ZNF730: variants seen among roughly 807,000 people sequenced by gnomAD.
The protein encoded by ZNF730 is zinc finger protein 730, also known as putative zinc finger protein 730.
A neutral mutation model predicts 12.6 loss-of-function variants in ZNF730; 12 were observed. That is an observed-to-expected ratio of 0.95 (90% CI 0.61 to 1.54). ZNF730 has a LOEUF of 1.54. Ranked by LOEUF, ZNF730 falls within the 40% of genes most tolerant of loss-of-function variation. ZNF730 has a pLI of 0.00. For missense variants in ZNF730, 643 were observed against 583.5 expected (o/e 1.10, Z -1.05); for synonymous variants, 194 against 195.8 (o/e 0.99, Z 0.08).
chr19:23,140,607 T>TA (rs35291458), intron 3 of ZNF730, among the ~76,000 whole-genome samples: 55,864 of 128,782 alleles, frequency 0.43, 13,785 homozygotes, highest in Non-Finnish European at 0.56. Context: ...GACTCGGTCT[T>TA]AAAAAAAAAA....
chr19:23,078,635 C>A (rs1164128759), intron 1 of ZNF730, among the ~76,000 whole-genome samples: 1 of 152,136 alleles, frequency 6.6e-6, no homozygotes, highest in African/African-American at 2.4e-5. Context: ...GGGTCCTCCA[C>A]ATGCTGAGCG....
chr19:23,120,579 G>A (rs1379124530), intron 1 of ZNF730, among the ~76,000 whole-genome samples: 1 of 151,756 alleles, frequency 6.6e-6, no homozygotes, highest in Non-Finnish European at 1.5e-5. Flanking sequence ...AATCTTATTA[G>A]TGGTTTATTA....
At chr19:23,144,350 T>C (rs1970971797) in intron 3 of ZNF730, 1 of 152,160 alleles carries the variant, frequency 6.6e-6, no homozygotes. Flanking sequence ...GTTCTTAAAA[T>C]GTGTCTTGTC....
At chr19:23,142,508 C>T (rs1337664145) in intron 3 of ZNF730, among the ~76,000 whole-genome samples, 1 of 151,732 alleles carries the variant, frequency 6.6e-6, no homozygotes, top group Non-Finnish European at 1.5e-5. Context: ...ACGGAGAAAT[C>T]CCATCTCTAC....
chr19:23,081,860 T>A (rs969952857), intron 1 of ZNF730, among the ~76,000 whole-genome samples: 3 of 152,146 alleles, frequency 2.0e-5, no homozygotes, highest in African/African-American at 7.2e-5. Context: ...GCAGACTATC[T>A]TTCCACCTCA....
At chr19:23,114,305 CTTTTTTT>C (rs869304180), upstream of ZNF730, among the ~76,000 whole-genome samples, 2 of 103,508 alleles carry the variant, frequency 1.9e-5, no homozygotes, top group African/African-American at 7.1e-5. Flanking sequence ...TTTTTCTTTT[CTTTTTTT>C]TTTTTTTTTT....
intron 1 of ZNF730, among the ~76,000 whole-genome samples, chr19:23,088,168 C>T (rs1478044795): frequency 6.6e-6 from 1 of 151,212 alleles, no homozygotes; most frequent in Non-Finnish European, 1.5e-5. Flanking sequence ...TACAGGTGCC[C>T]ACCACCACGC....
intron 1 of ZNF730, among the ~76,000 whole-genome samples, chr19:23,080,835 C>G (rs1599562906): frequency 6.9e-6 from 1 of 144,308 alleles, no homozygotes; most frequent in East Asian, 2.0e-4. Flanking sequence ...TGTTTTGTTT[C>G]TTTTTTCTTT....
At chr19:23,116,701 G>A (rs1161170409), upstream of ZNF730, among the ~76,000 whole-genome samples, 1 of 151,806 alleles carries the variant, frequency 6.6e-6, no homozygotes, top group East Asian at 1.9e-4. Context: ...GATTACAGGC[G>A]TGAGCCACCG....
intron 1 of ZNF730, among the ~76,000 whole-genome samples, chr19:23,091,413 G>A (rs2145487954): frequency 6.6e-6 from 1 of 152,272 alleles, no homozygotes; most frequent in East Asian, 1.9e-4. Flanking sequence ...TGAGAAGAAG[G>A]CCACCATCCG....
intron 3 of ZNF730, among the ~76,000 whole-genome samples, chr19:23,141,367 C>T (rs555009229): frequency 1.3e-5 from 2 of 150,846 alleles, no homozygotes; most frequent in Admixed American, 6.6e-5. Flanking sequence ...TGCACTCCAA[C>T]GTGGGTGACA....
chr19:23,086,292 C>A (rs1388398000), intron 1 of ZNF730, among the ~76,000 whole-genome samples: 3 of 152,154 alleles, frequency 2.0e-5, no homozygotes, highest in African/African-American at 7.2e-5. Context: ...TTTTGCTTTG[C>A]AGAAGCTCTT....
At chr19:23,123,589 A>G (rs1473561157) in intron 1 of ZNF730, 2 of 152,008 alleles carry the variant, frequency 1.3e-5, no homozygotes, top group African/African-American at 4.8e-5. Flanking sequence ...AAAAAAAAAA[A>G]AAAAGAAACC....
At chr19:23,144,086 G>T (rs920625360) in intron 3 of ZNF730, 5 of 151,392 alleles carry the variant, frequency 3.3e-5, no homozygotes, top group African/African-American at 1.2e-4. Flanking sequence ...CTGTGTTCCT[G>T]TTTCACTCAT....
chr19:23,101,211 A>G (rs1017017215), intron 1 of ZNF730, among the ~76,000 whole-genome samples: 15 of 151,410 alleles, frequency 9.9e-5, no homozygotes, highest in African/African-American at 3.6e-4. Context: ...AACAGTAAAG[A>G]TTGTCATTCT....
intron 2 of ZNF730, among the ~76,000 whole-genome samples, chr19:23,134,606 G>T (rs1361454204): frequency 6.9e-6 from 1 of 144,804 alleles, no homozygotes; most frequent in Non-Finnish European, 1.5e-5. Context: ...TGGGGGGGGG[G>T]GTCAGCCCCC....
chr19:23,099,054 G>C (rs767819809), intron 1 of ZNF730, among the ~76,000 whole-genome samples: 31 of 152,140 alleles, frequency 2.0e-4, no homozygotes, highest in Non-Finnish European at 1.5e-5. Flanking sequence ...TTTCTTGTAA[G>C]CACACTGTCA....
chr19:23,081,969 C>T (rs1485346919), intron 1 of ZNF730, among the ~76,000 whole-genome samples: 1 of 152,130 alleles, frequency 6.6e-6, no homozygotes, highest in Non-Finnish European at 1.5e-5. Context: ...TGGTCTTGAA[C>T]TTCTGACTTC....
At chr19:23,088,713 C>A (rs1305496757) in intron 1 of ZNF730, among the ~76,000 whole-genome samples, 1 of 151,996 alleles carries the variant, frequency 6.6e-6, no homozygotes, top group African/African-American at 2.4e-5. Context: ...GATCTGCCTA[C>A]CTCAGCTTCC....
Sources: gnomAD v4.1 joint callset for allele counts (sites outside exome capture counted in the v4.1 genomes callset) on GRCh38, gnomAD v4.1.1 for gene constraint, MANE v1.5 for transcripts, NCBI Gene and HGNC (gene_info 2026-07-23, HGNC 2026-07-21) for gene names.